CYP27A1: variants seen among roughly 807,000 people sequenced by gnomAD.
CYP27A1 encodes the protein cytochrome P450 family 27 subfamily A member 1, also known as sterol 26-hydroxylase, mitochondrial.
CYP27A1 carries 46 observed loss-of-function variants against 58.2 expected under a neutral mutation model. The observed-to-expected ratio is 0.79, with a 90% confidence interval of 0.62 to 1.01. CYP27A1 has a LOEUF of 1.01. Ranked by LOEUF, CYP27A1 falls within the 50% of genes least tolerant of loss-of-function variation. The pLI, the probability that CYP27A1 is intolerant of heterozygous loss-of-function variation, is 0.00. For synonymous variants in CYP27A1, 274 were observed against 285.1 expected (o/e 0.96, Z 0.39); for missense variants, 704 against 687.0 (o/e 1.02, Z -0.28).
intron 2 of CYP27A1, among the ~76,000 whole-genome samples, chr2:218,810,298 AC>A (rs1280984787): frequency 2.6e-5 from 4 of 151,876 alleles, no homozygotes; most frequent in South Asian, 4.2e-4. Context: ...AAAAAAAAAA[AC>A]TTTTTAACTT....
intron 1 of CYP27A1, among the ~76,000 whole-genome samples, chr2:218,808,806 C>T (rs1943676580): frequency 6.6e-6 from 1 of 152,126 alleles, no homozygotes; most frequent in Non-Finnish European, 1.5e-5. Context: ...TCATTTTCAG[C>T]AACTATAAGA....
At position 218,814,078 on chromosome 2, in the gene CYP27A1, G is replaced by C. The variant is rs760471205; in HGVS notation, c.1075G>C (p.Glu359Gln). The C allele has an allele frequency of 3.1e-6, 5 of 1,614,240 alleles. No homozygotes were observed. In the South Asian group the frequency reaches 4.4e-5, roughly 14 times the overall value. Residue 359 changes from glutamate (E) to glutamine (Q), a missense_variant, in exon 6 of 9, where the codon GAG becomes CAG. Physicochemically the swap from Glu to Gln is conservative, Grantham distance 29 (BLOSUM62 2). Coordinates refer to ENST00000258415, the MANE Select transcript of CYP27A1 (RefSeq NM_000784.4). ...YHLSKDPEIQ[E>Q]ALHEEVVGVV... The stretch of plus-strand genomic sequence containing the variant: ...CCTCTCAAAGGACCCTGAGATCCAG[G>C]AGGCCTTGCACGAGGAAGTGGTGGG...
Position 218,782,480 on chromosome 2 carries a change from C to T in CYP27A1, c.255+43C>T. 1 of 1,613,130 alleles carries T rather than the reference C, an allele frequency of 6.2e-7. No individual in the cohort carries two copies. On this transcript the variant is annotated intron_variant, in intron 1 of 8. Transcript: ENST00000258415. The surrounding 1 kb of genome is among the most constrained non-coding windows in gnomAD (Gnocchi z 4.1). ...CGCGTCCTGGGGATGGGAGTGGGCA[C>T]CGGAACAGAGAGGCTAGAGGTGAGA...
intron 1 of CYP27A1, among the ~76,000 whole-genome samples, chr2:218,803,382 A>G (rs1181087686): frequency 6.6e-6 from 1 of 152,150 alleles, no homozygotes; most frequent in Non-Finnish European, 1.5e-5. Flanking sequence ...CTCGTTCTAT[A>G]AGCTGTCTTT....
chr2:218,813,698 C>T (rs691066), intron 5 of CYP27A1, among the ~76,000 whole-genome samples: 89,776 of 151,914 alleles, frequency 0.59, 28,112 homozygotes, highest in African/African-American at 0.78. Flanking sequence ...CTCAAAGTAC[C>T]GGGATTATAG....
Position 218,805,562 on chromosome 2 carries a change from T to A in CYP27A1, c.256-4015T>A, listed in dbSNP as rs530982124. ...CTGGCCCATGCACTAGGATAAGAAC[T>A]CCTTAAGAATGGTCTTTTATGCTGT... On this transcript the variant is annotated intron_variant, in intron 1 of 8. Transcript: ENST00000258415. Among the ~76,000 whole-genome samples, 49 of 152,344 alleles carry A rather than the reference T, an allele frequency of 3.2e-4. 2 individuals carry two copies. The highest frequency in any genetic ancestry group is 3.1e-3 in the Admixed American group (47 of 15,306).
At chr2:218,805,274 C>G (rs1046631082) in intron 1 of CYP27A1, among the ~76,000 whole-genome samples, 2 of 152,214 alleles carry the variant, frequency 1.3e-5, no homozygotes, top group African/African-American at 4.8e-5. Flanking sequence ...TCCCCACCCC[C>G]TTTCTATGTC....
At chr2:218,803,857 C>G (rs547645405) in intron 1 of CYP27A1, among the ~76,000 whole-genome samples, 1 of 150,554 alleles carries the variant, frequency 6.6e-6, no homozygotes, top group Non-Finnish European at 1.5e-5. Flanking sequence ...CTCAGCCTCC[C>G]GAGTAGCTGG....
At chr2:218,800,176 G>A (rs1312658639) in intron 1 of CYP27A1, among the ~76,000 whole-genome samples, 1 of 152,138 alleles carries the variant, frequency 6.6e-6, no homozygotes, top group Non-Finnish European at 1.5e-5. Flanking sequence ...ATGAGAAGCT[G>A]TCTTGGGACA....
In CYP27A1 at chr2:218,812,187, G is replaced by C. The variant is rs778528395; in HGVS notation, c.447-35G>C. ...CTCCCTTAATTGAACCCCCATAGAG[G>C]CTTATCTTTGTGCTGTTCCTCTGCG... is the stretch of plus-strand genomic sequence containing the variant. On this transcript the variant is annotated intron_variant, in intron 2 of 8. Transcript: ENST00000258415. 1.7e-5 allele frequency: 27 copies of C among 1,567,026 alleles called. No homozygotes were observed. In the South Asian group the frequency reaches 2.9e-4, roughly 17 times the overall value.
In CYP27A1 at chr2:218,807,255, G is replaced by A. The variant is rs779901312; in HGVS notation, c.256-2322G>A. 2.0e-5 allele frequency among the ~76,000 whole-genome samples: 3 copies of A among 151,830 alleles called. No individual in the cohort carries two copies. The South Asian group carries it at 6.2e-4, about 31-fold the overall frequency. ...ATTACAGGCGTGAGCCACTGTGCCC[G>A]GCCCTCCTAGGGAATTTAATAGAGG... On this transcript the variant is annotated intron_variant, in intron 1 of 8. Coordinates refer to ENST00000258415, the MANE Select transcript of CYP27A1 (RefSeq NM_000784.4).
intron 1 of CYP27A1, among the ~76,000 whole-genome samples, chr2:218,785,210 A>G (rs1014901253): frequency 1.3e-5 from 2 of 152,068 alleles, no homozygotes; most frequent in Admixed American, 6.5e-5. Flanking sequence ...GCAGTTCACA[A>G]TAGGGTTTGT....
chr2:218,814,385 AC>A lies in CYP27A1; in HGVS notation c.1193del (p.Pro398LeufsTer10), dbSNP rs1943763473. 6 of 1,614,134 alleles carry A rather than the reference AC, an allele frequency of 3.7e-6. No homozygotes were observed. The highest frequency in any genetic ancestry group is 1.3e-5 in the African/African-American group (1 of 75,036). ...AGACATTCTTTTCCCTGCAGTCTCT[AC>A]CCTGTGGTCCCCACAAACTCCCGGA... ...KAVLKETLRLYPVVPTNSRII... is the reference protein window; with the variant it reads ...KAVLKETLRLXPVVPTNSRII... On this transcript the variant is annotated frameshift_variant, in exon 7 of 9. Coordinates refer to ENST00000258415, the MANE Select transcript of CYP27A1 (RefSeq NM_000784.4). LOFTEE classifies it high-confidence loss of function.
At position 218,814,630 on chromosome 2, in the gene CYP27A1, T is replaced by C. The variant is rs1480110004; in HGVS notation, c.1349T>C (p.Leu450Pro). The change falls in exon 8 of 9, where the codon CTG becomes CCG. Residue 450 changes from leucine to proline, a missense_variant. By Grantham distance (98) the Leu-to-Pro change is moderately conservative. Transcript: ENST00000258415. The part of the protein sequence containing the change: ...EPESFQPHRW[L>P]RNSQPATPRI... ...GAAAGCTTCCAGCCCCACCGCTGGCTGAGAAACAGCCAGCCTGCTACCCCC... is the reference window on the plus strand; with the variant it reads ...GAAAGCTTCCAGCCCCACCGCTGGCCGAGAAACAGCCAGCCTGCTACCCCC... 2.4e-5 allele frequency: 38 copies of C among 1,614,062 alleles called. No individual in the cohort carries two copies. The highest frequency in any genetic ancestry group is 3.1e-5 in the Non-Finnish European group (37 of 1,180,018).
chr2:218,810,881 C>T (rs1021464208), intron 2 of CYP27A1, among the ~76,000 whole-genome samples: 6 of 152,136 alleles, frequency 3.9e-5, no homozygotes, highest in African/African-American at 1.2e-4. Flanking sequence ...GGTGCGGTGG[C>T]TCACGCCTGT....
intron 1 of CYP27A1, 78 bp from the exon 2 acceptor site, chr2:218,809,499 C>T: frequency 9.5e-7 from 1 of 1,048,676 alleles, no homozygotes; most frequent in South Asian, 1.3e-5. Context: ...GCCATCAGAC[C>T]CTTCCTCACC....
intron 1 of CYP27A1, among the ~76,000 whole-genome samples, chr2:218,793,741 T>G (rs560922872): frequency 2.6e-4 from 39 of 151,102 alleles, no homozygotes; most frequent in African/African-American, 8.8e-4. Flanking sequence ...TTGAGACATA[T>G]TCTCACTTTT....
intron 1 of CYP27A1, among the ~76,000 whole-genome samples, chr2:218,806,265 T>C (rs1430548041): frequency 6.6e-6 from 1 of 152,248 alleles, no homozygotes; most frequent in East Asian, 1.9e-4. Context: ...AAATGGTATA[T>C]ATTTGTTTTA....
At chr2:218,802,196 G>C (rs375401585) in intron 1 of CYP27A1, among the ~76,000 whole-genome samples, 1 of 152,090 alleles carries the variant, frequency 6.6e-6, no homozygotes, top group Non-Finnish European at 1.5e-5. Flanking sequence ...GAACGACACA[G>C]CAGCAGGGGC....
Sources: allele counts gnomAD v4.1 joint callset (sites outside exome capture counted in the v4.1 genomes callset), GRCh38; gene constraint gnomAD v4.1.1; non-coding constraint Gnocchi (gnomAD v3.1); transcripts MANE v1.5; gene names NCBI Gene and HGNC (gene_info 2026-07-23, HGNC 2026-07-21).